Variants in PTGER3 observed in about 807,000 individuals in gnomAD.
PTGER3 encodes prostaglandin E receptor 3.
Under a neutral mutation model 34.7 loss-of-function variants are expected in PTGER3, and 22 were observed. That is an observed-to-expected ratio of 0.63 (90% CI 0.45 to 0.91). The LOEUF (loss-of-function observed/expected upper bound fraction) is 0.91. PTGER3 is among the 40% of genes least tolerant of loss of function. PTGER3 has a pLI of 0.00. For missense variants in PTGER3, 468 were observed against 519.4 expected (o/e 0.90, Z 0.96); for synonymous variants, 241 against 230.1 (o/e 1.05, Z -0.43).
intron 4 of PTGER3, chr1:70,852,872 C>A (rs770385785): frequency 7.4e-6 from 12 of 1,611,968 alleles, no homozygotes; most frequent in Non-Finnish European, 8.5e-6. Context: ...GGAAAACAAA[C>A]AAATCAATTA....
downstream of PTGER3, among the ~76,000 whole-genome samples, chr1:70,967,090 A>G (rs1652604773): frequency 6.6e-6 from 1 of 150,890 alleles, no homozygotes; most frequent in Non-Finnish European, 1.5e-5. Context: ...ATGCCATGTT[A>G]AAAAAAATAC....
rs145059808 is a variant in PTGER3, at chr1:70,859,894, G to A, written c.*24-7035C>T. Among the ~76,000 whole-genome samples the A allele has an allele frequency of 2.6e-3, 399 of 152,216 alleles. 1 individual carries two copies. Among genetic ancestry groups the A allele is most frequent in the Middle Eastern group, 0.01 (3 of 294 alleles). ...CTTTCTGAGTTCTTCAGACATCATAGAACTTACTATTTGGTTATGTGTTTT... is the reference window on the plus strand; with the variant it reads ...CTTTCTGAGTTCTTCAGACATCATAAAACTTACTATTTGGTTATGTGTTTT... On this transcript the variant is annotated intron_variant, in intron 4 of 4. Transcript: ENST00000370931.
At chr1:70,960,059 A>G (rs1212453461) in intron 2 of PTGER3, among the ~76,000 whole-genome samples, 1 of 152,164 alleles carries the variant, frequency 6.6e-6, no homozygotes, top group Non-Finnish European at 1.5e-5. Context: ...ATTGGTATGC[A>G]TCTACAAACC....
chr1:70,938,654 T>G (rs521870), intron 4 of PTGER3, among the ~76,000 whole-genome samples: 70,168 of 151,872 alleles, frequency 0.46, 18,544 homozygotes, highest in East Asian at 0.71. Flanking sequence ...TGAAAGGCAC[T>G]TCTTACATGG....
intron 2 of PTGER3, among the ~76,000 whole-genome samples, chr1:70,957,253 A>C (rs1651442187): frequency 6.6e-6 from 1 of 152,120 alleles, no homozygotes; most frequent in Non-Finnish European, 1.5e-5. Context: ...TCAACCCCTA[A>C]ATGAGTATAT....
At chr1:70,858,627 C>T (rs1442664508) in intron 4 of PTGER3, among the ~76,000 whole-genome samples, 1 of 152,060 alleles carries the variant, frequency 6.6e-6, no homozygotes, top group Non-Finnish European at 1.5e-5. Context: ...TTGGGACCAA[C>T]AAAATATACC....
intron 1 of PTGER3, among the ~76,000 whole-genome samples, chr1:71,039,581 C>T (rs1440635170): frequency 1.5e-5 from 2 of 137,230 alleles, no homozygotes; most frequent in Non-Finnish European, 3.0e-5. Flanking sequence ...ACCCGGGAGG[C>T]AGAGCTTGCA....
At chr1:71,023,280 G>A (rs1658588174) in intron 1 of PTGER3, among the ~76,000 whole-genome samples, 1 of 151,890 alleles carries the variant, frequency 6.6e-6, no homozygotes, top group Non-Finnish European at 1.5e-5. Flanking sequence ...GCTGTCTCTT[G>A]AAACATTCTC....
At chr1:70,963,597 G>A (rs540915556) in intron 2 of PTGER3, among the ~76,000 whole-genome samples, 1 of 152,272 alleles carries the variant, frequency 6.6e-6, no homozygotes, top group South Asian at 2.1e-4. Flanking sequence ...CTGCCTGAAC[G>A]GTACCTTGGC....
At chr1:71,011,310 T>C (rs1318579825) in intron 2 of PTGER3, 4 of 985,050 alleles carry the variant, frequency 4.1e-6, no homozygotes, top group East Asian at 1.1e-4. Context: ...AAAGTATTCA[T>C]TGAGTCTTCA....
chr1:71,030,659 A>G (rs1027810719), intron 1 of PTGER3, among the ~76,000 whole-genome samples: 4 of 152,180 alleles, frequency 2.6e-5, no homozygotes, highest in Non-Finnish European at 5.9e-5. Flanking sequence ...TGGTGAATGG[A>G]ATCATTTAAC....
chr1:70,955,556 A>G (rs1651236134), intron 2 of PTGER3, among the ~76,000 whole-genome samples: 1 of 152,164 alleles, frequency 6.6e-6, no homozygotes, highest in South Asian at 2.1e-4. Context: ...TCCTACTAAG[A>G]AAAACAATAC....
chr1:71,000,307 T>C (rs949450816), intron 2 of PTGER3, among the ~76,000 whole-genome samples: 11 of 152,230 alleles, frequency 7.2e-5, no homozygotes, highest in African/African-American at 2.7e-4. Context: ...AGTTTCCTTA[T>C]CTGGAAAGTG....
At chr1:71,025,899 A>G (rs1184286575) in intron 1 of PTGER3, among the ~76,000 whole-genome samples, 7 of 152,234 alleles carry the variant, frequency 4.6e-5, no homozygotes. Context: ...TTAGGAAATC[A>G]CAGACTGTTC....
chr1:71,011,911 C>A, intron 2 of PTGER3: 1 of 1,147,042 alleles, frequency 8.7e-7, no homozygotes, highest in Non-Finnish European at 1.1e-6. Flanking sequence ...ATTAACTATC[C>A]CCGCTCCCCA....
chr1:70,868,920 A>G (rs190219549), intron 4 of PTGER3, among the ~76,000 whole-genome samples: 54 of 152,260 alleles, frequency 3.5e-4, no homozygotes, highest in African/African-American at 1.3e-3. Context: ...GAATGGGCCC[A>G]GCTATAAGAA....
intron 4 of PTGER3, among the ~76,000 whole-genome samples, chr1:70,861,642 C>A (rs1645929190): frequency 6.6e-6 from 1 of 150,980 alleles, no homozygotes; most frequent in African/African-American, 2.4e-5. Flanking sequence ...TTAGAATTAA[C>A]TAAAATAGCA....
At chr1:70,890,450 T>G (rs1040202625) in intron 4 of PTGER3, among the ~76,000 whole-genome samples, 1 of 152,112 alleles carries the variant, frequency 6.6e-6, no homozygotes, top group African/African-American at 2.4e-5. Flanking sequence ...GAAAAAAAAG[T>G]GGACATCAAA....
intron 1 of PTGER3, among the ~76,000 whole-genome samples, chr1:71,040,439 TA>T (rs56787559): frequency 1.6e-4 from 23 of 147,898 alleles, no homozygotes; most frequent in Admixed American, 2.7e-4. Context: ...CCGTCTCTAG[TA>T]AAAAAAAAAT....
Sources: gnomAD v4.1 joint callset for allele counts (sites outside exome capture counted in the v4.1 genomes callset) on GRCh38, gnomAD v4.1.1 for gene constraint, MANE v1.5 for transcripts, NCBI Gene and HGNC (gene_info 2026-07-23, HGNC 2026-07-21) for gene names.